Variants in GRIK1 observed in about 807,000 individuals in gnomAD.
The protein encoded by GRIK1 is glutamate receptor ionotropic, kainate 1.
GRIK1 carries 69 observed loss-of-function variants against 105.7 expected under a neutral mutation model. That is an observed-to-expected ratio of 0.65 (90% CI 0.54 to 0.80). GRIK1 has a LOEUF of 0.80. GRIK1 is among the 30% of genes least tolerant of loss of function. The pLI is 0.00. For synonymous variants in GRIK1, 438 were observed against 431.3 expected (o/e 1.02, Z -0.19); for missense variants, 1,109 against 1,167.3 (o/e 0.95, Z 0.73).
intron 1 of GRIK1, among the ~76,000 whole-genome samples, chr21:29,798,480 G>A (rs1225922337): frequency 2.6e-5 from 4 of 152,144 alleles, no homozygotes; most frequent in Admixed American, 2.6e-4. Context: ...TGATTTAGTT[G>A]TTCAAATTTT....
At chr21:29,898,061 T>A (rs567487273) in intron 1 of GRIK1, among the ~76,000 whole-genome samples, 1 of 152,358 alleles carries the variant, frequency 6.6e-6, no homozygotes, top group South Asian at 2.1e-4. Context: ...CTTCTTCGCC[T>A]ACTGAGTCTT....
At chr21:29,606,704 CAAAA>C (rs1230965576) in intron 7 of GRIK1, among the ~76,000 whole-genome samples, 1 of 151,410 alleles carries the variant, frequency 6.6e-6, no homozygotes, top group Admixed American at 6.6e-5. Context: ...ACAAAAAAAA[CAAAA>C]AAACCCAAAA....
chr21:29,871,008 G>A (rs2068988144), intron 1 of GRIK1, among the ~76,000 whole-genome samples: 1 of 152,056 alleles, frequency 6.6e-6, no homozygotes. Context: ...AAGGTGCCTT[G>A]CAAATGCTTC....
At chr21:29,765,316 G>A (rs1325918409) in intron 1 of GRIK1, among the ~76,000 whole-genome samples, 1 of 152,004 alleles carries the variant, frequency 6.6e-6, no homozygotes, top group Non-Finnish European at 1.5e-5. Flanking sequence ...TTGCTTTTAT[G>A]AGTAGAGATT....
intron 7 of GRIK1, chr21:29,601,352 C>A: frequency 2.7e-6 from 1 of 376,066 alleles, no homozygotes; most frequent in Non-Finnish European, 5.7e-6. Context: ...CTCTAGTTTG[C>A]AGATGGTAGA....
chr21:29,577,547 C>T (rs533426322), intron 13 of GRIK1, among the ~76,000 whole-genome samples: 147 of 152,168 alleles, frequency 9.7e-4, no homozygotes, highest in African/African-American at 3.0e-3. Flanking sequence ...AAATATTCTG[C>T]GTCTTTGTAT....
intron 7 of GRIK1, among the ~76,000 whole-genome samples, chr21:29,618,704 C>A (rs147645745): frequency 6.6e-6 from 1 of 152,154 alleles, no homozygotes; most frequent in East Asian, 1.9e-4. Flanking sequence ...GAATTAATGG[C>A]GTTCACAGCA....
At chr21:29,581,357 G>A (rs1268613295) in intron 13 of GRIK1, 68 bp downstream of exon 13, 2 of 907,784 alleles carry the variant, frequency 2.2e-6, no homozygotes, top group Non-Finnish European at 1.8e-6. Context: ...TCATGGTGGA[G>A]TTTACCAGCA....
At chr21:29,757,234 T>G (rs1253366588) in intron 1 of GRIK1, among the ~76,000 whole-genome samples, 1 of 152,194 alleles carries the variant, frequency 6.6e-6, no homozygotes, top group African/African-American at 2.4e-5. Context: ...AAGGGGTTGG[T>G]GGCCTCATTT....
At chr21:29,732,906 T>C (rs1024396127) in intron 1 of GRIK1, among the ~76,000 whole-genome samples, 2 of 152,196 alleles carry the variant, frequency 1.3e-5, no homozygotes, top group African/African-American at 4.8e-5. Flanking sequence ...TTAATTTTCA[T>C]GATGAACAAG....
chr21:29,620,824 T>G (rs1448538750), intron 7 of GRIK1, among the ~76,000 whole-genome samples: 1 of 92,676 alleles, frequency 1.1e-5, no homozygotes, highest in African/African-American at 8.6e-5. Flanking sequence ...TATATAGTAA[T>G]AATATATTAT....
chr21:29,672,552 T>A (rs1490505550), intron 4 of GRIK1, among the ~76,000 whole-genome samples: 2 of 152,188 alleles, frequency 1.3e-5, no homozygotes, highest in South Asian at 2.1e-4. Flanking sequence ...TTTTTTATTG[T>A]GTTTGCAATC....
chr21:29,648,590 G>A (rs952000396), intron 6 of GRIK1, among the ~76,000 whole-genome samples: 2 of 152,080 alleles, frequency 1.3e-5, no homozygotes, highest in Non-Finnish European at 2.9e-5. Flanking sequence ...CTAGTGCTGG[G>A]GAGAAAGCAA....
intron 1 of GRIK1, among the ~76,000 whole-genome samples, chr21:29,795,578 C>T (rs1435266009): frequency 6.6e-6 from 1 of 152,156 alleles, no homozygotes; most frequent in African/African-American, 2.4e-5. Flanking sequence ...CCCCATATTG[C>T]TCCACCTGAA....
intron 1 of GRIK1, among the ~76,000 whole-genome samples, chr21:29,728,395 G>A (rs2064524066): frequency 6.6e-6 from 1 of 152,102 alleles, no homozygotes; most frequent in Admixed American, 6.5e-5. Context: ...ACGTGAAGGG[G>A]GATAGGGCCT....
Position 29,651,392 on chromosome 21 carries a change from C to A in GRIK1, c.781-101G>T, listed in dbSNP as rs549705841. 8 of 735,104 alleles carry A rather than the reference C, an allele frequency of 1.1e-5. No homozygotes were observed. In the Admixed American group the frequency reaches 2.6e-4, roughly 24 times the overall value. 45.5% of individuals were successfully genotyped at this position (735,104 alleles called of 1,614,324 possible). On this transcript the variant is annotated intron_variant, in intron 5 of 17. Coordinates refer to ENST00000327783, the MANE Select transcript of GRIK1 (RefSeq NM_001330994.2). Reference sequence around the variant, plus strand: ...TGTAGCACCAACTAATACAATGATACCTTTTATCTGTGGTTTTGTGGTTCA... The same window carrying A: ...TGTAGCACCAACTAATACAATGATAACTTTTATCTGTGGTTTTGTGGTTCA...
At chr21:29,551,310 C>T (rs2090130753) in intron 16 of GRIK1, among the ~76,000 whole-genome samples, 1 of 152,302 alleles carries the variant, frequency 6.6e-6, no homozygotes, top group South Asian at 2.1e-4. Context: ...AAAAACACCC[C>T]TACAAAACTT....
At chr21:29,757,729 G>A (rs1336676033) in intron 1 of GRIK1, among the ~76,000 whole-genome samples, 1 of 152,142 alleles carries the variant, frequency 6.6e-6, no homozygotes, top group African/African-American at 2.4e-5. Flanking sequence ...CTGCATTAAT[G>A]ATATTTTGGG....
At chr21:29,623,334 A>T (rs771246818) in intron 7 of GRIK1, among the ~76,000 whole-genome samples, 5 of 152,136 alleles carry the variant, frequency 3.3e-5, no homozygotes, top group Non-Finnish European at 7.4e-5. Flanking sequence ...GGTCCTTCCC[A>T]TGACACATGG....
Sources: allele counts gnomAD v4.1 joint callset (sites outside exome capture counted in the v4.1 genomes callset), GRCh38; gene constraint gnomAD v4.1.1; transcripts MANE v1.5; gene names NCBI Gene and HGNC (gene_info 2026-07-23, HGNC 2026-07-21).